Variants in MARCHF4 observed in about 807,000 individuals in gnomAD.
MARCHF4 encodes the protein E3 ubiquitin-protein ligase MARCHF4.
In MARCHF4, 14 loss-of-function variants were observed where a neutral mutation model predicts 43.9. The ratio of observed to expected loss-of-function variants is 0.32; its 90% confidence interval spans 0.21 to 0.50. The LOEUF is 0.50. Ranked by LOEUF, MARCHF4 falls within the 20% of genes least tolerant of loss-of-function variation. MARCHF4 has a pLI of 0.98. For missense variants in MARCHF4, 468 were observed against 536.7 expected (o/e 0.87, Z 1.27); for synonymous variants, 226 against 213.3 (o/e 1.06, Z -0.52).
intron 1 of MARCHF4, among the ~76,000 whole-genome samples, chr2:216,364,360 A>G (rs756883780): frequency 3.3e-5 from 5 of 152,104 alleles, no homozygotes; most frequent in Non-Finnish European, 7.3e-5. Context: ...GAATGAACAC[A>G]CACAGTTCAC....
intron 1 of MARCHF4, among the ~76,000 whole-genome samples, chr2:216,365,252 C>T (rs561707325): frequency 2.0e-5 from 3 of 152,342 alleles, no homozygotes; most frequent in Non-Finnish European, 2.9e-5. Flanking sequence ...CTACTCTATA[C>T]AATTATTGCC....
intron 1 of MARCHF4, among the ~76,000 whole-genome samples, chr2:216,287,533 A>G (rs1691234831): frequency 6.6e-6 from 1 of 150,724 alleles, no homozygotes; most frequent in Admixed American, 6.6e-5. Context: ...CTGGCCCCCA[A>G]GGGACACACT....
chr2:216,322,796 A>G (rs1418667539), intron 1 of MARCHF4, among the ~76,000 whole-genome samples: 1 of 152,052 alleles, frequency 6.6e-6, no homozygotes, highest in African/African-American at 2.4e-5. Flanking sequence ...CACTACTGTC[A>G]CCTGGGCGAC....
chr2:216,275,217 G>A (rs1439635283), intron 3 of MARCHF4, among the ~76,000 whole-genome samples: 1 of 152,204 alleles, frequency 6.6e-6, no homozygotes, highest in African/African-American at 2.4e-5. Context: ...GTGTGCCAGG[G>A]AAAAGGCAGG....
chr2:216,349,308 G>C (rs376411915), intron 1 of MARCHF4, among the ~76,000 whole-genome samples: 78 of 152,298 alleles, frequency 5.1e-4, no homozygotes, highest in African/African-American at 1.8e-3. Flanking sequence ...ACAAAAACAA[G>C]TTTTTCTTCA....
chr2:216,354,940 T>G (rs1047659520), intron 1 of MARCHF4, among the ~76,000 whole-genome samples: 6 of 140,850 alleles, frequency 4.3e-5, no homozygotes, highest in African/African-American at 1.6e-4. Context: ...TCTTTCTTTC[T>G]TTCTTTCTTT....
At chr2:216,317,610 C>T (rs562210098) in intron 1 of MARCHF4, among the ~76,000 whole-genome samples, 97 of 152,242 alleles carry the variant, frequency 6.4e-4, no homozygotes, top group Non-Finnish European at 1.1e-3. Flanking sequence ...GATGGGGTTT[C>T]GCCATGTTGG....
chr2:216,280,676 C>T (rs1691112977), intron 2 of MARCHF4, among the ~76,000 whole-genome samples: 1 of 152,146 alleles, frequency 6.6e-6, no homozygotes, highest in African/African-American at 2.4e-5. Context: ...AGGAGTCAGA[C>T]CCCCACATCT....
chr2:216,354,913 TTCTTTC>T (rs1311988043), intron 1 of MARCHF4, among the ~76,000 whole-genome samples: 16 of 96,820 alleles, frequency 1.7e-4, no homozygotes, highest in Non-Finnish European at 3.1e-4. Context: ...CTTTCTTTCT[TTCTTTC>T]TTTCTTTCTT....
chr2:216,335,729 C>T (rs1388373300), intron 1 of MARCHF4, among the ~76,000 whole-genome samples: 1 of 151,960 alleles, frequency 6.6e-6, no homozygotes, highest in African/African-American at 2.4e-5. Context: ...TTGAATATGA[C>T]AGACATTAAT....
intron 1 of MARCHF4, chr2:216,321,448 G>T (rs6435938): frequency 0.15 from 22,532 of 152,176 alleles, 2,576 homozygotes; most frequent in African/African-American, 0.32. Context: ...GGGATTGGTC[G>T]GTCCTTGAAG....
intron 1 of MARCHF4, among the ~76,000 whole-genome samples, chr2:216,364,571 C>T (rs902299953): frequency 1.3e-5 from 2 of 152,234 alleles, no homozygotes; most frequent in Admixed American, 1.3e-4. Flanking sequence ...CCTGTCCAGA[C>T]AGCCATGAAC....
chr2:216,329,190 C>T (rs906355209), intron 1 of MARCHF4, among the ~76,000 whole-genome samples: 1 of 152,132 alleles, frequency 6.6e-6, no homozygotes, highest in Non-Finnish European at 1.5e-5. Flanking sequence ...ACCATCCCGG[C>T]TAACATGGTG....
At chr2:216,293,480 G>A (rs1691344065) in intron 1 of MARCHF4, among the ~76,000 whole-genome samples, 1 of 151,616 alleles carries the variant, frequency 6.6e-6, no homozygotes, top group Non-Finnish European at 1.5e-5. Flanking sequence ...CCTACCAGCA[G>A]CTTACTTTCA....
intron 1 of MARCHF4, among the ~76,000 whole-genome samples, chr2:216,336,757 A>AAAAAAAAAAAAAAAAAAAAAAAAAC (rs1692164105): frequency 6.9e-6 from 1 of 145,108 alleles, no homozygotes; most frequent in Non-Finnish European, 1.5e-5. Flanking sequence ...AAAAAAAAAA[A>AAAAAAAAAAAAAAAAAAAAAAAAAC]AAAAAAAAAA....
chr2:216,341,314 C>T (rs565565823), intron 1 of MARCHF4, among the ~76,000 whole-genome samples: 1 of 152,324 alleles, frequency 6.6e-6, no homozygotes, highest in African/African-American at 2.4e-5. Context: ...ACCCACAAGG[C>T]AAAAGGCACC....
intron 1 of MARCHF4, among the ~76,000 whole-genome samples, chr2:216,333,240 G>A (rs1215471229): frequency 1.3e-5 from 2 of 152,180 alleles, no homozygotes; most frequent in African/African-American, 2.4e-5. Context: ...TTTGCAAAAC[G>A]CATATATGCC....
At chr2:216,351,204 A>G (rs575216891) in intron 1 of MARCHF4, among the ~76,000 whole-genome samples, 1 of 152,350 alleles carries the variant, frequency 6.6e-6, no homozygotes, top group East Asian at 1.9e-4. Context: ...AAGAACAGAC[A>G]TTACTGCCAC....
At chr2:216,320,166 C>G (rs917157557) in intron 1 of MARCHF4, among the ~76,000 whole-genome samples, 7 of 152,190 alleles carry the variant, frequency 4.6e-5, no homozygotes, top group Non-Finnish European at 1.0e-4. Flanking sequence ...ATTAAACAAA[C>G]CCGTAAACTA....
Sources: gnomAD v4.1 joint callset for allele counts (sites outside exome capture counted in the v4.1 genomes callset) on GRCh38, gnomAD v4.1.1 for gene constraint, MANE v1.5 for transcripts, NCBI Gene and HGNC (gene_info 2026-07-23, HGNC 2026-07-21) for gene names.